MAP3K7: variants seen among roughly 807,000 people sequenced by gnomAD.
MAP3K7 encodes the protein TGF-beta activated kinase 1.
A neutral mutation model predicts 84.8 loss-of-function variants in MAP3K7; 21 were observed. The ratio of observed to expected loss-of-function variants is 0.25; its 90% CI spans 0.18 to 0.36. The LOEUF is 0.36. Among genes scored for constraint, MAP3K7 ranks in the 10% least tolerant of loss-of-function variants. The pLI is 1.00. For missense variants in MAP3K7, 503 were observed against 747.7 expected, an observed-to-expected ratio of 0.67 and a Z score of 3.82; for synonymous variants, 241 against 247.7, an observed-to-expected ratio of 0.97 and a Z score of 0.25.
In MAP3K7 at chr6:90,560,202, G is replaced by C; in HGVS notation, c.356C>G (p.Ala119Gly). The change falls in exon 5 of 17, where the codon GCT becomes GGT. Residue 119 changes from alanine to glycine, a missense_variant. Coordinates refer to ENST00000369329, the MANE Select transcript of MAP3K7 (RefSeq NM_145331.3). ...AGCAGTATAATATGGCAATGGTTCA[G>C]CACCATGCAGCACTGCGAAAGAAAG... is the stretch of plus-strand genomic sequence containing the variant. ...GGSLYNVLHG[A>G]EPLPYYTAAH... 1.2e-6 allele frequency: 2 copies of C among 1,613,982 alleles called. No homozygotes were observed. Among genetic ancestry groups the C allele is most frequent in the Non-Finnish European group, 1.7e-6 (2 of 1,179,990 alleles).
chr6:90,572,261 G>C (rs1486114060), intron 1 of MAP3K7, among the ~76,000 whole-genome samples: 4 of 152,032 alleles, frequency 2.6e-5, no homozygotes, highest in African/African-American at 9.7e-5. Flanking sequence ...ATAGGGAATG[G>C]AGGAGAAACG....
intron 1 of MAP3K7, 148 bp downstream of exon 1, chr6:90,586,616 G>A (rs1777466071): frequency 9.6e-7 from 1 of 1,044,024 alleles, no homozygotes; most frequent in African/African-American, 1.7e-5. Flanking sequence ...CCACTCCCAC[G>A]TTACTGAGGG....
intron 12 of MAP3K7, among the ~76,000 whole-genome samples, chr6:90,539,189 C>G (rs1468223072): frequency 6.6e-6 from 1 of 151,896 alleles, no homozygotes. Flanking sequence ...AATTCTGGCT[C>G]TTTCACTGGA....
intron 3 of MAP3K7, among the ~76,000 whole-genome samples, chr6:90,566,335 C>T (rs1300143749): frequency 6.6e-6 from 1 of 152,192 alleles, no homozygotes; most frequent in Non-Finnish European, 1.5e-5. Context: ...CCCAAAATCT[C>T]CTTAAGCTGA....
At chr6:90,535,685 A>G (rs1775648586) in intron 13 of MAP3K7, among the ~76,000 whole-genome samples, 1 of 152,130 alleles carries the variant, frequency 6.6e-6, no homozygotes, top group East Asian at 1.9e-4. Flanking sequence ...ACTAATCAGT[A>G]ATGGCTTAAA....
intron 13 of MAP3K7, among the ~76,000 whole-genome samples, chr6:90,531,025 A>T (rs1366007122): frequency 6.6e-6 from 1 of 152,314 alleles, no homozygotes; most frequent in South Asian, 2.1e-4. Flanking sequence ...GGCAAACTTG[A>T]CTTACCAAAA....
At position 90,586,913 on chromosome 6, in the gene MAP3K7, A is replaced by C. The variant is rs1298820729; in HGVS notation, c.-30T>G. The C allele has an allele frequency of 6.3e-7, 1 of 1,594,260 alleles. No individual in the cohort carries two copies. The highest frequency in any genetic ancestry group is 8.5e-7 in the Non-Finnish European group (1 of 1,173,814). On this transcript the variant is annotated 5_prime_UTR_variant, in exon 1 of 17. Coordinates refer to ENST00000369329, the MANE Select transcript of MAP3K7 (RefSeq NM_145331.3). ...CCTCGCGGCGCCCGGTGGGGCCGGGAACGGTGCCACCCGGACAATCCGGGT... is the reference window on the plus strand; with the variant it reads ...CCTCGCGGCGCCCGGTGGGGCCGGGCACGGTGCCACCCGGACAATCCGGGT...
In MAP3K7 at chr6:90,560,217, G is replaced by A. The variant is rs765830453; in HGVS notation, c.344-3C>T. 2 of 1,613,582 alleles carry A rather than the reference G, an allele frequency of 1.2e-6. No homozygotes were observed. Among genetic ancestry groups the A allele is most frequent in the Non-Finnish European group, 1.7e-6 (2 of 1,179,838 alleles). ...CAATGGTTCAGCACCATGCAGCACT[G>A]CGAAAGAAAGGCACAAACTAAAAAG... On this transcript the variant is annotated splice_region_variant and splice_polypyrimidine_tract_variant and intron_variant, in intron 4 of 16. Transcript: ENST00000369329.
intron 1 of MAP3K7, among the ~76,000 whole-genome samples, chr6:90,573,438 C>T (rs1776972014): frequency 2.0e-5 from 3 of 152,182 alleles, no homozygotes; most frequent in African/African-American, 7.2e-5. Context: ...TATTAGGACA[C>T]TAGTTGTAAA....
intron 12 of MAP3K7, among the ~76,000 whole-genome samples, chr6:90,537,810 C>A (rs1775727230): frequency 6.6e-6 from 1 of 151,956 alleles, no homozygotes; most frequent in East Asian, 1.9e-4. Context: ...GACTAATAAG[C>A]AATTTTAGGC....
intron 1 of MAP3K7, 135 bp downstream of exon 1, chr6:90,586,629 G>A: frequency 1.7e-6 from 2 of 1,199,642 alleles, no homozygotes; most frequent in Non-Finnish European, 2.3e-6. Context: ...ACTGAGGGCT[G>A]TGGGGTCTCC....
At chr6:90,547,408 TCTGAATTA>T in intron 10 of MAP3K7, 21 bp from the exon 11 acceptor site, 1 of 1,604,618 alleles carries the variant, frequency 6.2e-7, no homozygotes. Flanking sequence ...TACAGGTCAA[TCTGAATTA>T]CTGAAGTTCT....
chr6:90,572,206 T>C (rs1280933804), intron 1 of MAP3K7, among the ~76,000 whole-genome samples: 5 of 152,042 alleles, frequency 3.3e-5, no homozygotes, highest in African/African-American at 1.2e-4. Flanking sequence ...TTTTCAGCTA[T>C]CATATTTAAG....
At chr6:90,559,533 G>C (rs1012836194) in intron 5 of MAP3K7, among the ~76,000 whole-genome samples, 4 of 152,088 alleles carry the variant, frequency 2.6e-5, no homozygotes, top group African/African-American at 9.7e-5. Flanking sequence ...CAAAGTTTTA[G>C]TCTTTTAAAA....
intron 11 of MAP3K7, among the ~76,000 whole-genome samples, chr6:90,546,404 T>C (rs539269772): frequency 2.0e-5 from 3 of 152,262 alleles, no homozygotes; most frequent in African/African-American, 7.2e-5. Flanking sequence ...AAAGATGGGG[T>C]AAATACACAA....
chr6:90,565,310 C>G (rs916964444), intron 3 of MAP3K7, among the ~76,000 whole-genome samples: 1 of 151,714 alleles, frequency 6.6e-6, no homozygotes, highest in African/African-American at 2.4e-5. Flanking sequence ...ACTGATAGAC[C>G]ACTAGCAAGA....
chr6:90,581,655 C>G (rs534350756), intron 1 of MAP3K7, among the ~76,000 whole-genome samples: 2 of 152,246 alleles, frequency 1.3e-5, no homozygotes, highest in South Asian at 4.1e-4. Context: ...TTAAGCTACA[C>G]GTGTACAATG....
At position 90,553,502 on chromosome 6, in the gene MAP3K7, T is replaced by G; in HGVS notation, c.692A>C (p.Glu231Ala). The change falls in exon 7 of 17, where the codon GAG (glutamate) becomes GCG (alanine). Residue 231 changes from glutamate (E) to alanine (A), a missense_variant. By Grantham distance (107) the Glu-to-Ala change is moderately radical. This residue lies in a region of MAP3K7 where 97 missense variants were observed against 270.8 expected (regional missense o/e 0.36). Coordinates refer to ENST00000369329, the MANE Select transcript of MAP3K7 (RefSeq NM_145331.3). ...EVITRRKPFD[E>A]IGGPAFRIMW... ...GATTCGGAAAGCTGGGCCACCAATC[T>G]CATCAAAGGGTTTCCGACGCGTTAT... The G allele has an allele frequency of 6.2e-7, 1 of 1,613,974 alleles. No individual in the cohort carries two copies. The highest frequency in any genetic ancestry group is 1.1e-5 in the South Asian group (1 of 91,060).
At position 90,568,643 on chromosome 6, in the gene MAP3K7, T is replaced by C. The variant is rs1469139854; in HGVS notation, c.232-20A>G. ...CCGAAGCTGTTAAGAAATTAAGGTT[T>C]CTTTTAAAAAGTGATAACTTTTGAA... On this transcript the variant is annotated intron_variant, in intron 2 of 16. Transcript: ENST00000369329. The C allele has an allele frequency of 6.3e-7, 1 of 1,588,568 alleles. No individual in the cohort carries two copies. Among genetic ancestry groups the C allele is most frequent in the East Asian group, 2.2e-5 (1 of 44,712 alleles).
Sources: allele counts gnomAD v4.1 joint callset (sites outside exome capture counted in the v4.1 genomes callset), GRCh38; gene constraint gnomAD v4.1.1; regional missense constraint gnomAD v4.1.1; transcripts MANE v1.5; gene names NCBI Gene and HGNC (gene_info 2026-07-23, HGNC 2026-07-21).